The following PLPPR1 variants were observed in gnomAD, a reference collection of about 807,000 sequenced individuals.
PLPPR1 encodes phospholipid phosphatase-related protein type 1.
Under a neutral mutation model 33.1 loss-of-function variants are expected in PLPPR1, and 10 were observed. That is an observed-to-expected ratio of 0.30 (90% CI 0.19 to 0.51). PLPPR1 has a LOEUF of 0.51. Ranked by LOEUF, PLPPR1 falls within the 20% of genes least tolerant of loss-of-function variation. The pLI is 0.97. For synonymous variants in PLPPR1, 151 were observed against 151.0 expected (o/e 1.00, Z 0.00); for missense variants, 304 against 408.1 (o/e 0.74, Z 2.20).
chr9:101,223,347 A>C (rs920215176), intron 2 of PLPPR1, among the ~76,000 whole-genome samples: 1 of 150,536 alleles, frequency 6.6e-6, no homozygotes, highest in South Asian at 2.1e-4. Flanking sequence ...AAAAAAAAAA[A>C]CCTTAATTGG....
intron 4 of PLPPR1, among the ~76,000 whole-genome samples, chr9:101,300,497 G>T (rs1186222118): frequency 6.6e-6 from 1 of 152,142 alleles, no homozygotes; most frequent in Non-Finnish European, 1.5e-5. Flanking sequence ...TAATGAAATT[G>T]TTTAGGAAAT....
At chr9:101,111,699 G>T (rs190549139) in intron 1 of PLPPR1, among the ~76,000 whole-genome samples, 43 of 152,232 alleles carry the variant, frequency 2.8e-4, no homozygotes, top group East Asian at 9.6e-4. Context: ...CAAATACCAG[G>T]TAGTGAAACC....
At chr9:101,056,431 A>G (rs1423590071) in intron 1 of PLPPR1, among the ~76,000 whole-genome samples, 2 of 152,244 alleles carry the variant, frequency 1.3e-5, no homozygotes, top group African/African-American at 2.4e-5. Flanking sequence ...TAATTAAAAA[A>G]AAAATCAAAG....
At chr9:101,237,607 G>T (rs1024900352) in intron 2 of PLPPR1, among the ~76,000 whole-genome samples, 1 of 147,022 alleles carries the variant, frequency 6.8e-6, no homozygotes, top group African/African-American at 2.5e-5. Context: ...CCATTTTATA[G>T]ATGAGTAGTA....
At chr9:101,062,148 T>TGG (rs1387016196) in intron 1 of PLPPR1, among the ~76,000 whole-genome samples, 1 of 117,538 alleles carries the variant, frequency 8.5e-6, no homozygotes, top group Admixed American at 9.7e-5. Flanking sequence ...TGACAAAATG[T>TGG]GGTGTGTGTG....
intron 2 of PLPPR1, among the ~76,000 whole-genome samples, chr9:101,227,656 A>C (rs1269718614): frequency 3.3e-5 from 5 of 152,230 alleles, no homozygotes; most frequent in Non-Finnish European, 7.3e-5. Context: ...CAGGCTATAC[A>C]TAATTTCATT....
At chr9:101,035,869 A>G (rs1333269566) in intron 1 of PLPPR1, among the ~76,000 whole-genome samples, 2 of 152,172 alleles carry the variant, frequency 1.3e-5, no homozygotes, top group Non-Finnish European at 2.9e-5. Flanking sequence ...AGAACTAAGG[A>G]ACTGCAGCAA....
intron 6 of PLPPR1, among the ~76,000 whole-genome samples, chr9:101,313,568 T>C (rs1050065515): frequency 6.6e-6 from 1 of 152,230 alleles, no homozygotes; most frequent in Non-Finnish European, 1.5e-5. Flanking sequence ...CAACCACCTA[T>C]CTTCCTGGAG....
chr9:101,236,223 CT>C (rs1180446671), intron 2 of PLPPR1, among the ~76,000 whole-genome samples: 1 of 151,742 alleles, frequency 6.6e-6, no homozygotes, highest in Non-Finnish European at 1.5e-5. Flanking sequence ...TAGCATCTAT[CT>C]TTAAACAATT....
chr9:101,235,866 A>C lies in PLPPR1; in HGVS notation c.64-34014A>C, dbSNP rs1398151258. ...TAATTTCCTGAATTAGTCTTTGCTA[A>C]AGCAGCTATGAAGTTATTCCATGCT... On this transcript the variant is annotated intron_variant, in intron 2 of 7. Transcript: ENST00000374874. Among the ~76,000 whole-genome samples the C allele has an allele frequency of 2.0e-5, 3 of 151,850 alleles. No individual in the cohort carries two copies. In the East Asian group the frequency reaches 5.8e-4, roughly 29 times the overall value.
intron 1 of PLPPR1, among the ~76,000 whole-genome samples, chr9:101,046,247 T>A (rs770290840): frequency 5.9e-5 from 9 of 152,100 alleles, no homozygotes; most frequent in Non-Finnish European, 1.2e-4. Context: ...CTTGCTTTTG[T>A]CTTTGTCTAC....
chr9:101,181,384 C>T (rs906683952), intron 1 of PLPPR1, among the ~76,000 whole-genome samples: 6 of 150,504 alleles, frequency 4.0e-5, no homozygotes, highest in African/African-American at 1.5e-4. Flanking sequence ...TTAATATATC[C>T]ATTCTGGAAA....
At chr9:101,219,517 T>G (rs533457602) in intron 2 of PLPPR1, among the ~76,000 whole-genome samples, 1 of 152,348 alleles carries the variant, frequency 6.6e-6, no homozygotes, top group Admixed American at 6.5e-5. Flanking sequence ...TTGCAAATTC[T>G]CTCAGCACAG....
At position 101,309,090 on chromosome 9, in the gene PLPPR1, G is replaced by C. The variant is rs1331244499; in HGVS notation, c.386-121G>C. ...GGTACCACTCCTGGAAAGATACTCC[G>C]GGGAGTACTTAGAATCATTTTGATA... On this transcript the variant is annotated intron_variant, in intron 4 of 7. Coordinates refer to ENST00000374874, the MANE Select transcript of PLPPR1 (RefSeq NM_207299.2). 1.7e-5 allele frequency: 16 copies of C among 967,604 alleles called. No homozygotes were observed. The East Asian group carries it at 3.8e-4, about 23-fold the overall frequency. 59.9% of individuals were successfully genotyped at this position (967,604 alleles called of 1,614,324 possible).
At chr9:101,090,788 T>G (rs1009228980) in intron 1 of PLPPR1, among the ~76,000 whole-genome samples, 15 of 152,162 alleles carry the variant, frequency 9.9e-5, no homozygotes, top group Non-Finnish European at 2.2e-4. Context: ...CTTTCCTTCT[T>G]GAAACATATT....
At chr9:101,302,309 C>A (rs1217145547) in intron 4 of PLPPR1, among the ~76,000 whole-genome samples, 1 of 152,208 alleles carries the variant, frequency 6.6e-6, no homozygotes, top group Non-Finnish European at 1.5e-5. Context: ...AGTTAAACAT[C>A]TCATCAGGTC....
At chr9:101,198,297 A>T (rs1051434416) in intron 2 of PLPPR1, among the ~76,000 whole-genome samples, 2 of 152,140 alleles carry the variant, frequency 1.3e-5, no homozygotes, top group African/African-American at 2.4e-5. Flanking sequence ...ATAAAAGCAT[A>T]GACTCTTAGA....
At chr9:101,127,189 G>A (rs1831256373) in intron 1 of PLPPR1, among the ~76,000 whole-genome samples, 1 of 152,200 alleles carries the variant, frequency 6.6e-6, no homozygotes, top group Non-Finnish European at 1.5e-5. Context: ...ACATCCTCGG[G>A]TGTCCTTTGA....
chr9:101,058,230 C>G (rs949844602), intron 1 of PLPPR1, among the ~76,000 whole-genome samples: 11 of 152,074 alleles, frequency 7.2e-5, no homozygotes, highest in Non-Finnish European at 1.5e-4. Context: ...TCTGTGAACA[C>G]TGACCAAGAG....
Sources: gnomAD v4.1 joint callset for allele counts (sites outside exome capture counted in the v4.1 genomes callset) on GRCh38, gnomAD v4.1.1 for gene constraint, MANE v1.5 for transcripts, NCBI Gene and HGNC (gene_info 2026-07-23, HGNC 2026-07-21) for gene names.